LEO1: variants seen among roughly 807,000 people sequenced by gnomAD.
LEO1 encodes LEO1 component of Paf1/RNA polymerase II complex.
LEO1 carries 34 observed loss-of-function variants against 80.4 expected under a neutral mutation model. The ratio of observed to expected loss-of-function variants is 0.42; its 90% CI spans 0.32 to 0.56. LEO1 has a LOEUF of 0.56. Ranked by LOEUF, LEO1 falls within the 20% of genes least tolerant of loss-of-function variation. The pLI, the probability that LEO1 is intolerant of heterozygous loss-of-function variation, is 0.10. For missense variants in LEO1, 631 were observed against 814.2 expected (o/e 0.77, Z 2.74); for synonymous variants, 262 against 274.9 (o/e 0.95, Z 0.46).
chr15:51,971,348 T>C (rs930960095), intron 1 of LEO1, among the ~76,000 whole-genome samples: 3 of 152,198 alleles, frequency 2.0e-5, no homozygotes, highest in African/African-American at 7.2e-5. Context: ...GCCCTTACTC[T>C]ACGCTGGCCT....
rs1448177698 is a variant in LEO1, at chr15:51,954,545, G to A, written c.1276C>T (p.Arg426Ter). 2 of 1,612,302 alleles carry A rather than the reference G, an allele frequency of 1.2e-6. No homozygotes were observed. The highest frequency in any genetic ancestry group is 1.1e-5 in the South Asian group (1 of 91,026). Residue 426 changes from arginine (R) to a stop codon, truncating the protein, a stop_gained, in exon 7 of 12, where the codon CGA (arginine) becomes TGA (stop). Coordinates refer to ENST00000299601, the MANE Select transcript of LEO1 (RefSeq NM_138792.4). LOFTEE classifies it high-confidence loss of function. ...TTAATTTCATTTCCTTCTTCATCTC[G>A]GCGTATCCTCCATCTTATAGTATTT... is the stretch of plus-strand genomic sequence containing the variant. ...VENTIRWRIR[R>*]DEEGNEIKES...
rs746313692 is a variant in LEO1 at position 51,938,312 on chromosome 15, G to C, written c.1897-52C>G. 1.5e-5 allele frequency: 17 copies of C among 1,115,486 alleles called. No homozygotes were observed. In the South Asian group the frequency reaches 2.2e-4, roughly 14 times the overall value. 69.1% of individuals were successfully genotyped at this position (1,115,486 alleles called of 1,614,324 possible). ...TACAAGTCAATAAAGAACATTTTTA[G>C]GATGGTTTATGAAAAGTAGCTATGA... On this transcript the variant is annotated intron_variant, in intron 11 of 11. Coordinates refer to ENST00000299601, the MANE Select transcript of LEO1 (RefSeq NM_138792.4).
rs182081550 is a variant in LEO1, at chr15:51,954,020, G to A, written c.1340+461C>T. ...GCGATCTCGGCTTACTGCAACCTCC[G>A]CCTCCTGGGTTCAAGGAATTCTCTG... On this transcript the variant is annotated intron_variant, in intron 7 of 11. Transcript: ENST00000299601. 9.2e-3 allele frequency among the ~76,000 whole-genome samples: 1,375 copies of A among 150,184 alleles called. 24 individuals carry two copies. The highest frequency in any genetic ancestry group is 0.032 in the African/African-American group (1,320 of 40,818).
At chr15:51,960,288 G>T (rs545783605) in intron 4 of LEO1, among the ~76,000 whole-genome samples, 1 of 152,306 alleles carries the variant, frequency 6.6e-6, no homozygotes, top group African/African-American at 2.4e-5. Flanking sequence ...CAACAAAAGT[G>T]TGAAATTAAC....
intron 2 of LEO1, among the ~76,000 whole-genome samples, chr15:51,963,523 C>G (rs978283548): frequency 6.6e-6 from 1 of 152,316 alleles, no homozygotes; most frequent in Non-Finnish European, 1.5e-5. Flanking sequence ...AGGTTCCCTA[C>G]TATGACCCTG....
rs534697630 is a variant in LEO1, at chr15:51,944,562, A to G, written c.1896+2730T>C. On this transcript the variant is annotated intron_variant, in intron 11 of 11. Coordinates refer to ENST00000299601, the MANE Select transcript of LEO1 (RefSeq NM_138792.4). ...TATTTATAATTTTTAATTGCTAATAATCATGCTGTCTGGTACATTACTGAT... is the reference window on the plus strand; with the variant it reads ...TATTTATAATTTTTAATTGCTAATAGTCATGCTGTCTGGTACATTACTGAT... 5.8e-4 allele frequency among the ~76,000 whole-genome samples: 88 copies of G among 152,300 alleles called. 1 individual carries two copies. Among genetic ancestry groups the G allele is most frequent in the African/African-American group, 2.0e-3 (85 of 41,590 alleles).
intron 11 of LEO1, among the ~76,000 whole-genome samples, chr15:51,941,348 C>T (rs967699888): frequency 1.3e-5 from 2 of 152,100 alleles, no homozygotes; most frequent in African/African-American, 4.8e-5. Context: ...GAATGCAGGT[C>T]CCTGTAGATA....
intron 9 of LEO1, 104 bp from the exon 10 acceptor site, chr15:51,950,098 C>G (rs145965567): frequency 9.9e-7 from 1 of 1,010,822 alleles, no homozygotes; most frequent in African/African-American, 1.6e-5. Flanking sequence ...GTCCAGATAA[C>G]AGCTGTGCCG....
intron 9 of LEO1, 147 bp from the exon 10 acceptor site, chr15:51,950,141 C>T: frequency 1.3e-6 from 1 of 741,978 alleles, no homozygotes; most frequent in Non-Finnish European, 2.1e-6. Context: ...TGTGGCTCCA[C>T]AGGGACCCTC....
At chr15:51,960,300 C>T (rs902505133) in intron 4 of LEO1, among the ~76,000 whole-genome samples, 6 of 152,332 alleles carry the variant, frequency 3.9e-5, no homozygotes, top group East Asian at 3.9e-4. Context: ...GAAATTAACA[C>T]TTCAATAGGA....
chr15:51,938,292 G>A lies in LEO1; in HGVS notation c.1897-32C>T, dbSNP rs754196853. 5.5e-6 allele frequency: 7 copies of A among 1,275,438 alleles called. No individual in the cohort carries two copies. The East Asian group carries it at 1.2e-4, about 22-fold the overall frequency. 79.0% of individuals were successfully genotyped at this position (1,275,438 alleles called of 1,614,324 possible). A position where few individuals can be genotyped will look rare whatever the true frequency, so the allele number is the denominator to read the frequency against. ...AGATACAATTTTTACAAATCTACAAGTCAATAAAGAACATTTTTAGGATGG... is the reference window on the plus strand; with the variant it reads ...AGATACAATTTTTACAAATCTACAAATCAATAAAGAACATTTTTAGGATGG... On this transcript the variant is annotated intron_variant, in intron 11 of 11. Transcript: ENST00000299601.
At chr15:51,947,197 T>A in intron 11 of LEO1, 95 bp downstream of exon 11, 1 of 811,788 alleles carries the variant, frequency 1.2e-6, no homozygotes, top group Admixed American at 1.8e-5. Flanking sequence ...TGTAGACAAC[T>A]AATTTGTGCC....
chr15:51,940,784 CA>C lies in LEO1; in HGVS notation c.1897-2525del, dbSNP rs200079120. ...CCAAAAAAAAAAATTATAATTGCTA[CA>C]AAAAAAAATTTTTAATAAAATAAAT... is the stretch of plus-strand genomic sequence containing the variant. On this transcript the variant is annotated intron_variant, in intron 11 of 11. Coordinates refer to ENST00000299601, the MANE Select transcript of LEO1 (RefSeq NM_138792.4). 3.3e-4 allele frequency among the ~76,000 whole-genome samples: 50 copies of C among 150,392 alleles called. No homozygotes were observed. In the South Asian group the frequency reaches 6.7e-3, roughly 20 times the overall value.
intron 11 of LEO1, among the ~76,000 whole-genome samples, chr15:51,945,878 C>T (rs978624542): frequency 4.6e-5 from 7 of 151,578 alleles, no homozygotes; most frequent in African/African-American, 7.3e-5. Context: ...ACTAAAAATA[C>T]GAAAAATTAG....
Position 51,949,919 on chromosome 15 carries a change from G to C in LEO1, c.1687C>G (p.Arg563Gly). ...QRRMREKQHQ[R>G]GLSASYLEPD... ...TCCAGGTAACTGGCGCTCAGCCCCC[G>C]CTGGTGCTGTTTCTCTCTCATTCGG... Residue 563 changes from arginine to glycine, a missense_variant, in exon 10 of 12, where the codon CGG (arginine) becomes GGG (glycine). Transcript: ENST00000299601. 6.2e-7 allele frequency: 1 copy of C among 1,613,978 alleles called. No homozygotes were observed. Among genetic ancestry groups the C allele is most frequent in the Non-Finnish European group, 8.5e-7 (1 of 1,180,004 alleles).
intron 1 of LEO1, 30 bp downstream of exon 1, chr15:51,971,658 C>T (rs765655050): frequency 6.2e-7 from 1 of 1,611,082 alleles, no homozygotes; most frequent in Admixed American, 1.7e-5. Flanking sequence ...GCCTGCCACG[C>T]ACCCATCCTC....
intron 5 of LEO1, 100 bp downstream of exon 5, chr15:51,959,799 T>G: frequency 8.9e-7 from 1 of 1,124,650 alleles, no homozygotes; most frequent in Non-Finnish European, 1.2e-6. Flanking sequence ...CGATCAATTT[T>G]CCGTTTTTGT....
At chr15:51,967,477 GAATA>G (rs779457392) in intron 1 of LEO1, among the ~76,000 whole-genome samples, 6 of 150,810 alleles carry the variant, frequency 4.0e-5, no homozygotes, top group East Asian at 1.9e-4. Flanking sequence ...TGTCTCAAAA[GAATA>G]AATAAATGAT....
chr15:51,938,188 T>C lies in LEO1; in HGVS notation c.1969A>G (p.Ile657Val). Residue 657 changes from isoleucine to valine, a missense_variant, in exon 12 of 12, where the codon ATC (isoleucine) becomes GTC (valine). Ile to Val is a conservative substitution (Grantham distance 29, BLOSUM62 3). Coordinates refer to ENST00000299601, the MANE Select transcript of LEO1 (RefSeq NM_138792.4). ...KANKKHKKYV[I>V]SDEEEEDDD ...TCATCTTCTTCCTCTTCATCGCTGA[T>C]CACATACTTCTTATGCTTTTTATTT... 6.2e-7 allele frequency: 1 copy of C among 1,607,308 alleles called. No homozygotes were observed. The highest frequency in any genetic ancestry group is 2.2e-5 in the East Asian group (1 of 44,826).
Sources: allele counts gnomAD v4.1 joint callset (sites outside exome capture counted in the v4.1 genomes callset), GRCh38; gene constraint gnomAD v4.1.1; transcripts MANE v1.5; gene names NCBI Gene and HGNC (gene_info 2026-07-23, HGNC 2026-07-21).